LPP: variants seen among roughly 807,000 people sequenced by gnomAD.
LPP encodes the protein LIM domain containing preferred translocation partner in lipoma, also known as lipoma-preferred partner.
A neutral mutation model predicts 60.4 loss-of-function variants in LPP; 38 were observed. That is an observed-to-expected ratio of 0.63 (90% CI 0.49 to 0.83). LPP has a LOEUF of 0.83. Ranked by LOEUF, LPP falls within the 40% of genes least tolerant of loss-of-function variation. The probability of loss-of-function intolerance (pLI) is 0.00; values close to 1 mark genes in which losing one functional copy is unlikely to be tolerated. For missense variants in LPP, 902 were observed against 783.6 expected (o/e 1.15, Z -1.80); for synonymous variants, 328 against 290.8 (o/e 1.13, Z -1.30).
At chr3:188,597,678 AT>A (rs1273883096) in intron 6 of LPP, among the ~76,000 whole-genome samples, 1 of 152,074 alleles carries the variant, frequency 6.6e-6, no homozygotes, top group Non-Finnish European at 1.5e-5. Context: ...CACAAAACTG[AT>A]GGGGGATGGG....
At chr3:188,830,614 A>AC (rs1462491722) in intron 9 of LPP, among the ~76,000 whole-genome samples, 4 of 151,954 alleles carry the variant, frequency 2.6e-5, no homozygotes, top group African/African-American at 9.7e-5. Context: ...CAAAAAACAA[A>AC]AAAAAAAATG....
intron 7 of LPP, among the ~76,000 whole-genome samples, chr3:188,654,709 G>T (rs1852787599): frequency 6.6e-6 from 1 of 152,144 alleles, no homozygotes; most frequent in Non-Finnish European, 1.5e-5. Context: ...CTGAGTTTCT[G>T]CATGACCCCC....
At chr3:188,365,800 A>G (rs1770982399) in intron 3 of LPP, among the ~76,000 whole-genome samples, 1 of 151,896 alleles carries the variant, frequency 6.6e-6, no homozygotes, top group Admixed American at 6.6e-5. Context: ...TGTATAGTTA[A>G]GGTATACAAC....
intron 3 of LPP, among the ~76,000 whole-genome samples, chr3:188,399,663 T>C (rs1027719821): frequency 2.0e-5 from 3 of 152,214 alleles, no homozygotes; most frequent in Non-Finnish European, 4.4e-5. Flanking sequence ...AGTCAATTAT[T>C]CTCAACCCTT....
At chr3:188,817,281 T>C (rs1466895662) in intron 9 of LPP, among the ~76,000 whole-genome samples, 1 of 152,200 alleles carries the variant, frequency 6.6e-6, no homozygotes, top group Non-Finnish European at 1.5e-5. Context: ...CTAATAGCAC[T>C]TGCCCTGTTT....
chr3:188,814,480 T>C (rs569041287), intron 9 of LPP, among the ~76,000 whole-genome samples: 2 of 152,166 alleles, frequency 1.3e-5, no homozygotes, highest in African/African-American at 2.4e-5. Context: ...AGTTACAACA[T>C]TAAGCTTTTC....
intron 2 of LPP, among the ~76,000 whole-genome samples, chr3:188,316,447 A>C (rs1269677762): frequency 3.3e-5 from 5 of 151,084 alleles, no homozygotes; most frequent in Non-Finnish European, 7.4e-5. Flanking sequence ...TGGAAGAAAA[A>C]AAAAATAAGA....
At chr3:188,443,189 A>T (rs1397458229) in intron 4 of LPP, among the ~76,000 whole-genome samples, 1 of 152,196 alleles carries the variant, frequency 6.6e-6, no homozygotes, top group Non-Finnish European at 1.5e-5. Context: ...AAGAGAAGAA[A>T]CTGTTTTCAG....
chr3:188,240,472 C>G (rs1723930156), intron 2 of LPP, among the ~76,000 whole-genome samples: 1 of 151,982 alleles, frequency 6.6e-6, no homozygotes, highest in Non-Finnish European at 1.5e-5. Flanking sequence ...CACAGAATTT[C>G]TGAGTTGGAA....
intron 1 of LPP, among the ~76,000 whole-genome samples, chr3:188,177,635 T>G (rs1270415005): frequency 1.3e-5 from 2 of 152,132 alleles, no homozygotes; most frequent in Non-Finnish European, 2.9e-5. Flanking sequence ...GCCTCAGCCC[T>G]CTCCTCTGTA....
Position 188,300,454 on chromosome 3 carries a change from ATT to A in LPP, c.-66-41189_-66-41188del, listed in dbSNP as rs34492581. On this transcript the variant is annotated intron_variant, in intron 2 of 11. Coordinates refer to ENST00000617246, the MANE Select transcript of LPP (RefSeq NM_001375462.1). The stretch of plus-strand genomic sequence containing the variant: ...TAAAACATGGCAGGCACACTTGGCC[ATT>A]TTTTTTTTTTTTTTTTTTTGGCAGT... 4.7e-3 allele frequency among the ~76,000 whole-genome samples: 584 copies of A among 125,190 alleles called. 5 individuals are homozygous for A. The highest frequency in any genetic ancestry group is 0.013 in the African/African-American group (471 of 35,078). 82.1% of individuals were successfully genotyped at this position (125,190 alleles called of 152,430 possible).
At chr3:188,771,328 C>T (rs917154521) in intron 9 of LPP, among the ~76,000 whole-genome samples, 1 of 151,934 alleles carries the variant, frequency 6.6e-6, no homozygotes, top group African/African-American at 2.4e-5. Context: ...GTGCACAGAT[C>T]ACTTGAGGTC....
chr3:188,537,668 G>A (rs1824003667), intron 6 of LPP, among the ~76,000 whole-genome samples: 1 of 152,114 alleles, frequency 6.6e-6, no homozygotes, highest in South Asian at 2.1e-4. Flanking sequence ...TGTTAAGTGG[G>A]ATACTCCCCA....
intron 7 of LPP, among the ~76,000 whole-genome samples, chr3:188,671,496 C>T (rs576703173): frequency 5.9e-5 from 9 of 152,176 alleles, no homozygotes; most frequent in Non-Finnish European, 1.0e-4. Flanking sequence ...TTTATTAATG[C>T]CTTCCCCTCC....
intron 8 of LPP, among the ~76,000 whole-genome samples, chr3:188,753,877 T>C (rs540314236): frequency 6.6e-6 from 1 of 152,242 alleles, no homozygotes; most frequent in African/African-American, 2.4e-5. Flanking sequence ...CTGTTGAACC[T>C]TCAAGCCTCT....
intron 4 of LPP, among the ~76,000 whole-genome samples, chr3:188,439,129 G>A (rs185128518): frequency 3.9e-5 from 6 of 152,136 alleles, no homozygotes; most frequent in Admixed American, 1.3e-4. Flanking sequence ...GATAAAGAAA[G>A]GGGAGTAGTC....
chr3:188,600,752 G>A (rs1840986597), intron 6 of LPP, among the ~76,000 whole-genome samples: 2 of 151,886 alleles, frequency 1.3e-5, no homozygotes, highest in African/African-American at 4.8e-5. Context: ...CTGCTTTCTA[G>A]CTTTATAAAT....
At chr3:188,525,487 ATGT>A (rs1820353388) in intron 6 of LPP, among the ~76,000 whole-genome samples, 1 of 152,138 alleles carries the variant, frequency 6.6e-6, no homozygotes, top group Non-Finnish European at 1.5e-5. Context: ...ATTTTGTTAC[ATGT>A]TGTTATAGTT....
At chr3:188,284,776 AG>A (rs2149969987) in intron 2 of LPP, among the ~76,000 whole-genome samples, 1 of 152,286 alleles carries the variant, frequency 6.6e-6, no homozygotes, top group South Asian at 2.1e-4. Context: ...AAAAACGGGC[AG>A]GGGGAGCATG....
Sources: gnomAD v4.1 joint callset for allele counts (sites outside exome capture counted in the v4.1 genomes callset) on GRCh38, gnomAD v4.1.1 for gene constraint, MANE v1.5 for transcripts, NCBI Gene and HGNC (gene_info 2026-07-23, HGNC 2026-07-21) for gene names.